The following GTF2H5 variants were observed in gnomAD, a reference collection of about 807,000 sequenced individuals.
GTF2H5 encodes general transcription factor IIH subunit 5.
In GTF2H5, 5 loss-of-function variants were observed where a neutral mutation model predicts 7.1. The ratio of observed to expected loss-of-function variants is 0.71; its 90% confidence interval spans 0.37 to 1.49. The LOEUF is 1.49. GTF2H5 is among the 40% of genes most tolerant of loss of function. The probability of loss-of-function intolerance (pLI) is 0.03; values close to 1 mark genes in which losing one functional copy is unlikely to be tolerated. For synonymous variants in GTF2H5, 30 were observed against 31.7 expected (o/e 0.95, Z 0.18); for missense variants, 80 against 83.0 (o/e 0.96, Z 0.14).
intron 2 of GTF2H5, among the ~76,000 whole-genome samples, chr6:158,177,470 A>T (rs1583631131): frequency 6.6e-6 from 1 of 152,144 alleles, no homozygotes; most frequent in Admixed American, 6.6e-5. Flanking sequence ...GCTGATGGGG[A>T]CTTTTTGATT....
chr6:158,198,561 T>C lies in GTF2H5; in HGVS notation c.*6404T>C, dbSNP rs1777147833. The C allele has an allele frequency of 6.6e-6, 1 of 152,224 alleles. No individual in the cohort carries two copies. The highest frequency in any genetic ancestry group is 1.9e-4 in the East Asian group (1 of 5,192). 9.4% of individuals were successfully genotyped at this position (152,224 alleles called of 1,614,324 possible). ...CGTGCCTCAGCCATCCCTATAGGCATGCGCCACCACACTTTGCTAATCTTG... is the reference window on the plus strand; with the variant it reads ...CGTGCCTCAGCCATCCCTATAGGCACGCGCCACCACACTTTGCTAATCTTG... On this transcript the variant is annotated 3_prime_UTR_variant, in exon 3 of 3. Transcript: ENST00000607778.
chr6:158,182,584 T>G (rs1231184855), intron 2 of GTF2H5, among the ~76,000 whole-genome samples: 1 of 152,044 alleles, frequency 6.6e-6, no homozygotes, highest in Non-Finnish European at 1.5e-5. Context: ...CTTTTCATTC[T>G]TTTTCCTCTC....
At position 158,169,415 on chromosome 6, in the gene GTF2H5, ATT is replaced by A. The variant is rs1430373371; in HGVS notation, c.-35+1021_-35+1022del. On this transcript the variant is annotated intron_variant, in intron 1 of 2. Transcript: ENST00000607778. ...TATAATATTATATTGTATATTATAT[ATT>A]ATATATAATATATTGTATATTATAT... Among the ~76,000 whole-genome samples the A allele has an allele frequency of 8.4e-4, 77 of 92,126 alleles. 1 individual carries two copies. The highest frequency in any genetic ancestry group is 3.6e-3 in the African/African-American group (74 of 20,836). 60.4% of individuals were successfully genotyped at this position (92,126 alleles called of 152,430 possible).
intron 2 of GTF2H5, among the ~76,000 whole-genome samples, chr6:158,175,763 C>CA (rs879353882): frequency 1.7e-3 from 211 of 122,646 alleles, no homozygotes; most frequent in Admixed American, 2.3e-3. Flanking sequence ...GACCCCATTT[C>CA]AAAAAAAAAA....
intron 2 of GTF2H5, among the ~76,000 whole-genome samples, chr6:158,171,874 G>A (rs138056536): frequency 2.0e-5 from 3 of 152,212 alleles, no homozygotes; most frequent in Non-Finnish European, 4.4e-5. Flanking sequence ...AAAGCAAAGG[G>A]GGTGGGATCT....
chr6:158,181,022 T>G (rs1372850777), intron 2 of GTF2H5, among the ~76,000 whole-genome samples: 3 of 152,120 alleles, frequency 2.0e-5, no homozygotes, highest in Admixed American at 2.0e-4. Flanking sequence ...GCTATGAATT[T>G]CCCTCTACAC....
chr6:158,170,713 T>C (rs1441804905), intron 2 of GTF2H5, among the ~76,000 whole-genome samples, 175 bp downstream of exon 2: 1 of 152,254 alleles, frequency 6.6e-6, no homozygotes, highest in Non-Finnish European at 1.5e-5. Flanking sequence ...TCAGTCCCTC[T>C]GTTGAATTGA....
intron 2 of GTF2H5, among the ~76,000 whole-genome samples, chr6:158,176,509 G>A (rs1298980328): frequency 1.3e-5 from 2 of 152,184 alleles, no homozygotes; most frequent in African/African-American, 2.4e-5. Context: ...ACAGATGTGA[G>A]CCATTGCGCC....
In GTF2H5 at chr6:158,199,312, CCT is replaced by C. The variant is rs1237611108; in HGVS notation, c.*7156_*7157del. 1 of 152,108 alleles carries C rather than the reference CCT, an allele frequency of 6.6e-6. No individual in the cohort carries two copies. The highest frequency in any genetic ancestry group is 6.5e-5 in the Admixed American group (1 of 15,270). 9.4% of individuals were successfully genotyped at this position (152,108 alleles called of 1,614,324 possible). On this transcript the variant is annotated 3_prime_UTR_variant, in exon 3 of 3. Coordinates refer to ENST00000607778, the MANE Select transcript of GTF2H5 (RefSeq NM_207118.3). ...ATGGGACAAGCATGTACATGCACCCCCTGAGTCTAAAATAAAAATTTTAAAAA... is the reference window on the plus strand; with the variant it reads ...ATGGGACAAGCATGTACATGCACCCCGAGTCTAAAATAAAAATTTTAAAAA...
In GTF2H5 at chr6:158,197,278, C is replaced by T; in HGVS notation, c.*5121C>T. On this transcript the variant is annotated 3_prime_UTR_variant, in exon 3 of 3. Transcript: ENST00000607778. ...CACATTTAAATAAGATACCCAAATG[C>T]AGAAAGAAAAGCACAGTCGTCATGC... is the stretch of plus-strand genomic sequence containing the variant. 1 of 193,574 alleles carries T rather than the reference C, an allele frequency of 5.2e-6. No homozygotes were observed. 12.0% of individuals were successfully genotyped at this position (193,574 alleles called of 1,614,324 possible).
intron 2 of GTF2H5, among the ~76,000 whole-genome samples, chr6:158,173,107 C>A (rs775520994): frequency 6.6e-6 from 1 of 152,170 alleles, no homozygotes; most frequent in Non-Finnish European, 1.5e-5. Context: ...TACAAAGAAT[C>A]TTGTTAAGAT....
intron 2 of GTF2H5, among the ~76,000 whole-genome samples, chr6:158,174,196 T>C (rs1785899044): frequency 6.6e-6 from 1 of 152,206 alleles, no homozygotes; most frequent in Admixed American, 6.5e-5. Flanking sequence ...CTGCTTCCAC[T>C]GTCCCAGGAA....
intron 1 of GTF2H5, among the ~76,000 whole-genome samples, chr6:158,169,559 T>TCTATAATATACTGTATATTAC (rs1785760396): frequency 1.5e-5 from 1 of 67,890 alleles, no homozygotes; most frequent in Non-Finnish European, 2.4e-5. Context: ...CTGTATATTA[T>TCTATAATATACTGTATATTAC]ATATAATATA....
rs116830537 is a variant in GTF2H5, at chr6:158,186,669, G to A, written c.36-5308G>A. Among the ~76,000 whole-genome samples the A allele has an allele frequency of 1.8e-3, 270 of 152,284 alleles. 1 individual carries two copies. The highest frequency in any genetic ancestry group is 6.2e-3 in the African/African-American group (256 of 41,546). On this transcript the variant is annotated intron_variant, in intron 2 of 2. Transcript: ENST00000607778. The stretch of plus-strand genomic sequence containing the variant: ...CAGACAACTTGTGCCCAAGGTGTTC[G>A]GGCTACAGCTTGGTTTTACACATTT...
In GTF2H5 at chr6:158,196,326, T is replaced by A. The variant is rs1204319203; in HGVS notation, c.*4169T>A. Reference sequence around the variant, plus strand: ...TGAAAAGCACTGATTGAATCTAGATTCCTTGAGTCCAAGTGTCAGATCTCT... The same window carrying A: ...TGAAAAGCACTGATTGAATCTAGATACCTTGAGTCCAAGTGTCAGATCTCT... On this transcript the variant is annotated 3_prime_UTR_variant, in exon 3 of 3. Transcript: ENST00000607778. 6.6e-6 allele frequency: 1 copy of A among 152,172 alleles called. No individual in the cohort carries two copies. Among genetic ancestry groups the A allele is most frequent in the Admixed American group, 6.5e-5 (1 of 15,272 alleles). The allele number at this position is 152,172 out of a possible 1,614,324, so 9.4% of individuals were successfully genotyped here. A position where few individuals can be genotyped will look rare whatever the true frequency, so the allele number is the denominator to read the frequency against.
At chr6:158,191,513 C>T (rs373872538) in intron 2 of GTF2H5, among the ~76,000 whole-genome samples, 8 of 149,394 alleles carry the variant, frequency 5.4e-5, no homozygotes, top group Admixed American at 2.7e-4. Flanking sequence ...GACAGAGTCT[C>T]GCTCTGTCGC....
intron 2 of GTF2H5, among the ~76,000 whole-genome samples, chr6:158,187,327 G>C (rs1404606376): frequency 6.6e-6 from 1 of 151,878 alleles, no homozygotes; most frequent in Non-Finnish European, 1.5e-5. Flanking sequence ...AAAGGTGCCA[G>C]ACTCCCCTGG....
chr6:158,174,042 A>G (rs562407613), intron 2 of GTF2H5, among the ~76,000 whole-genome samples: 29 of 151,938 alleles, frequency 1.9e-4, no homozygotes, highest in Non-Finnish European at 2.9e-4. Context: ...TTTGTGTATG[A>G]TAGTGGTGAA....
intron 2 of GTF2H5, among the ~76,000 whole-genome samples, chr6:158,180,424 G>A (rs983480980): frequency 3.9e-5 from 6 of 152,142 alleles, no homozygotes; most frequent in Non-Finnish European, 7.4e-5. Flanking sequence ...TCTGTTGATC[G>A]GAATAGTTTC....
Sources: allele counts gnomAD v4.1 joint callset (sites outside exome capture counted in the v4.1 genomes callset), GRCh38; gene constraint gnomAD v4.1.1; transcripts MANE v1.5; gene names NCBI Gene and HGNC (gene_info 2026-07-23, HGNC 2026-07-21).